The following TNRC18 variants were observed in gnomAD, a reference collection of about 807,000 sequenced individuals.
The protein encoded by TNRC18 is trinucleotide repeat-containing gene 18 protein.
TNRC18 carries 69 observed loss-of-function variants against 226.7 expected under a neutral mutation model. The ratio of observed to expected loss-of-function variants is 0.30; its 90% confidence interval spans 0.25 to 0.37. The LOEUF is 0.37. Ranked by LOEUF, TNRC18 falls within the 10% of genes least tolerant of loss-of-function variation. The pLI is 1.00. For synonymous variants in TNRC18, 2,449 were observed against 1,927.6 expected (o/e 1.27, Z -7.09); for missense variants, 4,754 against 4,256.6 (o/e 1.12, Z -3.25).
Position 5,308,234 on chromosome 7 carries a change from C to T in TNRC18, c.8779G>A (p.Glu2927Lys). Residue 2927 changes from glutamate to lysine, a missense_variant, in exon 30 of 30, where the codon GAG (glutamate) becomes AAG (lysine). Coordinates refer to ENST00000430969, the MANE Select transcript of TNRC18 (RefSeq NM_001080495.3). ...VSHKCLVVGLEQYEQMLKTKK... is the reference protein window; with the variant it reads ...VSHKCLVVGLKQYEQMLKTKK... ...GTCTTCAGCATCTGCTCATACTGCT[C>T]CAGGCCCACCACCAGGCACTTGTGC... 6.2e-7 allele frequency: 1 copy of T among 1,612,682 alleles called. No individual in the cohort carries two copies. The highest frequency in any genetic ancestry group is 8.5e-7 in the Non-Finnish European group (1 of 1,179,514).
Position 5,312,374 on chromosome 7 carries a change from G to A in TNRC18, c.8388+129C>T, listed in dbSNP as rs1787317709. The A allele has an allele frequency of 7.3e-7, 1 of 1,365,256 alleles. No individual in the cohort carries two copies. Among genetic ancestry groups the A allele is most frequent in the African/African-American group, 1.5e-5 (1 of 68,174 alleles). 84.6% of individuals were successfully genotyped at this position (1,365,256 alleles called of 1,614,324 possible). On this transcript the variant is annotated intron_variant, in intron 27 of 29. Coordinates refer to ENST00000430969, the MANE Select transcript of TNRC18 (RefSeq NM_001080495.3). This position sits in a 1 kb window ranked among gnomAD's most constrained non-coding sequence, Gnocchi z 6.3. ...CTCAGTGTACCCATCCATAAAGTGG[G>A]ACGCCAGCCCTCCACCCTGGGGTTC... is the stretch of plus-strand genomic sequence containing the variant.
intron 2 of TNRC18, among the ~76,000 whole-genome samples, chr7:5,407,620 G>A (rs764985271): frequency 2.0e-4 from 31 of 152,230 alleles, no homozygotes; most frequent in African/African-American, 7.2e-5. Flanking sequence ...GCTCCAATCA[G>A]GTACCCAGCC....
chr7:5,392,293 C>A (rs1243675674), intron 3 of TNRC18, among the ~76,000 whole-genome samples: 3 of 152,068 alleles, frequency 2.0e-5, no homozygotes, highest in African/African-American at 4.8e-5. Context: ...GAAACCCCAT[C>A]TCTACTAAAA....
intron 2 of TNRC18, among the ~76,000 whole-genome samples, chr7:5,410,590 G>A (rs534428748): frequency 6.6e-6 from 1 of 152,142 alleles, no homozygotes; most frequent in African/African-American, 2.4e-5. Context: ...CCGTGGCCAG[G>A]CGGAGTGGCT....
chr7:5,380,031 G>A (rs989104288), intron 5 of TNRC18, among the ~76,000 whole-genome samples: 25 of 152,220 alleles, frequency 1.6e-4, no homozygotes, highest in African/African-American at 5.5e-4. Flanking sequence ...CCACCCAGCT[G>A]TCCTAACTGG....
In TNRC18 at chr7:5,388,190, G is replaced by A. The variant is rs1779956344; in HGVS notation, c.1634C>T (p.Ser545Phe). 2 of 1,589,186 alleles carry A rather than the reference G, an allele frequency of 1.3e-6. No homozygotes were observed. Among genetic ancestry groups the A allele is most frequent in the South Asian group, 1.1e-5 (1 of 87,954 alleles). Residue 545 changes from serine (S) to phenylalanine (F), a missense_variant, in exon 5 of 30, where the codon TCC (serine) becomes TTC (phenylalanine). Transcript: ENST00000430969. ...GTCCAGGTAGGCCTTCTTGGAGGAG[G>A]AGGCAGCGACCACGGCGGCCTCCTC... Reference protein sequence around the residue: ...AEEEAAVVAASSSKKAYLDPG... With the variant: ...AEEEAAVVAAFSSKKAYLDPG...
At position 5,356,766 on chromosome 7, in the gene TNRC18, T is replaced by C. The variant is rs1026236632; in HGVS notation, c.5194+150A>G. On this transcript the variant is annotated intron_variant, in intron 16 of 29. Transcript: ENST00000430969. ...CCCCCCACTTCCGGCTTGGAGGCCA[T>C]GCCAAGCTCAGGCACTGTAGTGCGC... 3.7e-5 allele frequency: 42 copies of C among 1,147,276 alleles called. No individual in the cohort carries two copies. In the African/African-American group the frequency reaches 5.9e-4, roughly 16 times the overall value. 71.1% of individuals were successfully genotyped at this position (1,147,276 alleles called of 1,614,324 possible).
chr7:5,328,074 T>C (rs80349988), intron 19 of TNRC18, among the ~76,000 whole-genome samples: 2,647 of 151,566 alleles, frequency 0.017, 63 homozygotes, highest in Admixed American at 0.06. Context: ...ATACAAAAAT[T>C]AGGCGTGAGG....
rs185558256 is a variant in TNRC18, at chr7:5,404,927, A to G, written c.188-10332T>C. Among the ~76,000 whole-genome samples, 648 of 152,144 alleles carry G rather than the reference A, an allele frequency of 4.3e-3. 9 individuals are homozygous for G. Among genetic ancestry groups the G allele is most frequent in the African/African-American group, 0.015 (615 of 41,514 alleles). On this transcript the variant is annotated intron_variant, in intron 2 of 29. Coordinates refer to ENST00000430969, the MANE Select transcript of TNRC18 (RefSeq NM_001080495.3). Reference sequence around the variant, plus strand: ...TCAGGAGTTCACGACCAGCCTGGACAACACGGTGAAACCCAGTCTCTACTA... The same window carrying G: ...TCAGGAGTTCACGACCAGCCTGGACGACACGGTGAAACCCAGTCTCTACTA...
chr7:5,363,465 G>A (rs1793283930), intron 11 of TNRC18, among the ~76,000 whole-genome samples: 1 of 152,194 alleles, frequency 6.6e-6, no homozygotes. Context: ...TTAGCCGGGT[G>A]TGGTGGCGGG....
rs1779014290 is a variant in TNRC18 at position 5,376,843 on chromosome 7, T to C, written c.2608+4A>G. The C allele has an allele frequency of 6.2e-7, 1 of 1,609,858 alleles. No individual in the cohort carries two copies. Among genetic ancestry groups the C allele is most frequent in the Non-Finnish European group, 8.5e-7 (1 of 1,178,150 alleles). ...CATGGTGGCCACATAGAAGGTCCAC[T>C]TACCAAAGTGAGGAAGGTGATCACT... On this transcript the variant is annotated splice_donor_region_variant and intron_variant, in intron 8 of 29. Coordinates refer to ENST00000430969, the MANE Select transcript of TNRC18 (RefSeq NM_001080495.3).
intron 5 of TNRC18, among the ~76,000 whole-genome samples, chr7:5,387,354 G>A (rs912482588): frequency 3.3e-5 from 5 of 152,212 alleles, no homozygotes; most frequent in African/African-American, 1.2e-4. Context: ...CAAATTGAAG[G>A]TTTGATATTT....
At chr7:5,317,447 C>T (rs6463397) in intron 24 of TNRC18, among the ~76,000 whole-genome samples, 127,953 of 151,954 alleles carry the variant, frequency 0.84, 54,122 homozygotes, top group East Asian at 0.97. Flanking sequence ...AAAAATTAGC[C>T]GGGCATGGTG....
At chr7:5,417,075 A>C (rs1012989337) in intron 2 of TNRC18, among the ~76,000 whole-genome samples, 10 of 151,714 alleles carry the variant, frequency 6.6e-5, no homozygotes, top group African/African-American at 1.9e-4. Context: ...AGGCAGGAGG[A>C]GGCCAGGAGT....
chr7:5,388,881 C>A lies in TNRC18; in HGVS notation c.943G>T (p.Ala315Ser), dbSNP rs1388956753. Reference protein sequence around the residue: ...AKEAARQDEGARLLRRTETLL... With the variant: ...AKEAARQDEGSRLLRRTETLL... ...GTCTCCGTGCGCCGCAGCAGCCGCG[C>A]GCCCTCGTCCTGCCGGGCAGCCTCC... Residue 315 changes from alanine (A) to serine (S), a missense_variant, in exon 5 of 30, where the codon GCG becomes TCG. Coordinates refer to ENST00000430969, the MANE Select transcript of TNRC18 (RefSeq NM_001080495.3). 7.5e-7 allele frequency: 1 copy of A among 1,329,898 alleles called. No homozygotes were observed. The highest frequency in any genetic ancestry group is 9.6e-7 in the Non-Finnish European group (1 of 1,036,708). The allele number at this position is 1,329,898 out of a possible 1,614,324, so 82.4% of individuals were successfully genotyped here.
chr7:5,321,661 TTATTTATTTA>T (rs1441032683), intron 21 of TNRC18, among the ~76,000 whole-genome samples: 1 of 151,058 alleles, frequency 6.6e-6, no homozygotes, highest in Non-Finnish European at 1.5e-5. Context: ...ATTTATTTAT[TTATTTATTTA>T]TTTATTTATT....
intron 4 of TNRC18, chr7:5,390,170 CCTGG>C: frequency 2.1e-6 from 1 of 469,532 alleles, no homozygotes. Flanking sequence ...TTGAAACCAT[CCTGG>C]GCAACACAGC....
At chr7:5,329,617 A>C (rs1562499937) in intron 19 of TNRC18, among the ~76,000 whole-genome samples, 1 of 122,634 alleles carries the variant, frequency 8.2e-6, no homozygotes, top group Admixed American at 1.1e-4. Context: ...TGGGAGGCGG[A>C]GGTTGCAGTG....
chr7:5,363,652 A>C (rs920479400), intron 11 of TNRC18, among the ~76,000 whole-genome samples: 3 of 152,234 alleles, frequency 2.0e-5, no homozygotes, highest in African/African-American at 7.2e-5. Flanking sequence ...CACGCCTGGC[A>C]CAGGGTCCTG....
Sources: allele counts gnomAD v4.1 joint callset (sites outside exome capture counted in the v4.1 genomes callset), GRCh38; gene constraint gnomAD v4.1.1; non-coding constraint Gnocchi (gnomAD v3.1); transcripts MANE v1.5; gene names NCBI Gene and HGNC (gene_info 2026-07-23, HGNC 2026-07-21).